The following POLQ variants were observed in gnomAD, a reference collection of about 807,000 sequenced individuals.
The protein encoded by POLQ is DNA polymerase theta.
A neutral mutation model predicts 259.2 loss-of-function variants in POLQ; 233 were observed. That is an observed-to-expected ratio of 0.90 (90% confidence interval 0.81 to 1.00). The LOEUF (loss-of-function observed/expected upper bound fraction) is 1.00, where lower values mean the gene tolerates loss of function less well. POLQ is among the 50% of genes least tolerant of loss of function. The pLI, the probability that POLQ is intolerant of heterozygous loss-of-function variation, is 0.00. For synonymous variants in POLQ, 1,025 were observed against 1,048.8 expected, an observed-to-expected ratio of 0.98 and a Z score of 0.44; for missense variants, 2,871 against 3,051.6, an observed-to-expected ratio of 0.94 and a Z score of 1.39.
chr3:121,436,675 T>C (rs760811878), intron 27 of POLQ, among the ~76,000 whole-genome samples: 1 of 151,722 alleles, frequency 6.6e-6, no homozygotes, highest in Non-Finnish European at 1.5e-5. Flanking sequence ...GGGAGGGGGG[T>C]TGGAATGTCC....
chr3:121,459,555 G>T (rs1442847762), intron 25 of POLQ, among the ~76,000 whole-genome samples: 2 of 151,862 alleles, frequency 1.3e-5, no homozygotes, highest in African/African-American at 4.8e-5. Context: ...CTAAGTTTTT[G>T]TATTTTTAGT....
At position 121,488,139 on chromosome 3, in the gene POLQ, G is replaced by A; in HGVS notation, c.4792C>T (p.Leu1598Phe). Reference protein sequence around the residue: ...PRALELSDPVLDEHHQGDQDG... With the variant: ...PRALELSDPVFDEHHQGDQDG... ...TGATCACCTTGGTGGTGCTCATCAAGTACTGGATCACTTAGTTCTAATGCT... is the reference window on the plus strand; with the variant it reads ...TGATCACCTTGGTGGTGCTCATCAAATACTGGATCACTTAGTTCTAATGCT... Residue 1598 changes from leucine to phenylalanine, a missense_variant, in exon 16 of 30, where the codon CTT (leucine) becomes TTT (phenylalanine). By Grantham distance (22) the Leu-to-Phe change is conservative (BLOSUM62 0). Around this residue, in one of 3 missense-constraint regions of POLQ, gnomAD observed 2,080 missense variants for 2,126.0 expected, o/e 0.98. Coordinates refer to ENST00000264233, the MANE Select transcript of POLQ (RefSeq NM_199420.4). The A allele has an allele frequency of 6.2e-7, 1 of 1,613,216 alleles. No homozygotes were observed. Among genetic ancestry groups the A allele is most frequent in the Non-Finnish European group, 8.5e-7 (1 of 1,179,532 alleles).
chr3:121,479,427 T>C (rs2047953935), intron 19 of POLQ, among the ~76,000 whole-genome samples: 1 of 151,514 alleles, frequency 6.6e-6, no homozygotes, highest in Non-Finnish European at 1.5e-5. Context: ...AAGTAGTGCT[T>C]TGAGGAAAAT....
chr3:121,505,897 C>T (rs2048204749), intron 12 of POLQ, among the ~76,000 whole-genome samples: 1 of 150,732 alleles, frequency 6.6e-6, no homozygotes. Context: ...TGGCGCATGT[C>T]TGTAATCCCA....
intron 16 of POLQ, 127 bp from the exon 17 acceptor site, chr3:121,485,311 T>C (rs2048002827): frequency 1.8e-6 from 1 of 564,390 alleles, no homozygotes; most frequent in Admixed American, 3.6e-5. Context: ...AAATATGCAT[T>C]TGGACAGTCA....
At chr3:121,496,973 C>T (rs778157620) in intron 13 of POLQ, 41 bp from the exon 14 acceptor site, 17 of 1,606,366 alleles carry the variant, frequency 1.1e-5, no homozygotes, top group East Asian at 2.2e-5. Flanking sequence ...AGATCCTTCA[C>T]GTCTACTAGG....
rs561016630 is a variant in POLQ, at chr3:121,533,294, C to T, written c.741-85G>A. On this transcript the variant is annotated intron_variant, in intron 5 of 29. Transcript: ENST00000264233. ...TGCTAACAATATTCTTGGTTATGCC[C>T]TTTGGTACACACATGCATACATTTC... is the stretch of plus-strand genomic sequence containing the variant. The T allele has an allele frequency of 1.8e-4, 153 of 827,886 alleles. No homozygotes were observed. The African/African-American group carries it at 2.5e-3, about 14-fold the overall frequency. 51.3% of individuals were successfully genotyped at this position (827,886 alleles called of 1,614,324 possible). A position where few individuals can be genotyped will look rare whatever the true frequency, so the allele number is the denominator to read the frequency against.
chr3:121,519,174 C>A (rs1386755295), intron 9 of POLQ, among the ~76,000 whole-genome samples: 1 of 151,958 alleles, frequency 6.6e-6, no homozygotes, highest in Non-Finnish European at 1.5e-5. Context: ...GACCAGTCAC[C>A]TAAGTTGAAT....
chr3:121,478,576 TAAAAAAAAAAA>T (rs143898506), intron 19 of POLQ, among the ~76,000 whole-genome samples: 1 of 77,402 alleles, frequency 1.3e-5, no homozygotes, highest in South Asian at 4.8e-4. Context: ...GGCAAATTTG[TAAAAAAAAAAA>T]AAAAAAAAAA....
At chr3:121,473,670 G>T (rs1392618203) in intron 20 of POLQ, among the ~76,000 whole-genome samples, 183 bp from the exon 21 acceptor site, 6 of 150,756 alleles carry the variant, frequency 4.0e-5, no homozygotes, top group Non-Finnish European at 8.8e-5. Flanking sequence ...TATATGTCAG[G>T]TAGTCTATCC....
At chr3:121,538,029 G>T (rs2048462710) in intron 4 of POLQ, among the ~76,000 whole-genome samples, 1 of 152,038 alleles carries the variant, frequency 6.6e-6, no homozygotes. Flanking sequence ...CAAACCCAGG[G>T]AAAACTGCCT....
chr3:121,533,629 C>T (rs548307418), intron 5 of POLQ, among the ~76,000 whole-genome samples: 1 of 152,300 alleles, frequency 6.6e-6, no homozygotes, highest in South Asian at 2.1e-4. Context: ...GATTCTCCTG[C>T]CTTAGCCTCC....
At chr3:121,502,664 A>C (rs578011860) in intron 12 of POLQ, among the ~76,000 whole-genome samples, 65 of 152,212 alleles carry the variant, frequency 4.3e-4, no homozygotes, top group Non-Finnish European at 8.2e-4. Flanking sequence ...AAGAAAAAAA[A>C]CACAATCATA....
intron 19 of POLQ, among the ~76,000 whole-genome samples, chr3:121,479,308 T>A (rs2047952198): frequency 6.6e-6 from 1 of 150,610 alleles, no homozygotes; most frequent in South Asian, 2.1e-4. Context: ...GGGCAAGAGT[T>A]TGAGACCAGC....
chr3:121,492,144 TCTCAGAGCTGGGA>T (rs2048073904), intron 15 of POLQ, among the ~76,000 whole-genome samples: 1 of 151,208 alleles, frequency 6.6e-6, no homozygotes, highest in Non-Finnish European at 1.5e-5. Flanking sequence ...CAGGTTAAGG[TCTCAGAGCTGGGA>T]GTCAGGTTTA....
At chr3:121,510,609 C>T (rs2048248057) in intron 10 of POLQ, among the ~76,000 whole-genome samples, 2 of 151,786 alleles carry the variant, frequency 1.3e-5, no homozygotes, top group Admixed American at 1.3e-4. Context: ...ATAAATAAAA[C>T]ATGCAAGCCC....
At chr3:121,543,660 A>T (rs2048506472) in intron 2 of POLQ, among the ~76,000 whole-genome samples, 1 of 152,210 alleles carries the variant, frequency 6.6e-6, no homozygotes, top group African/African-American at 2.4e-5. Context: ...AGCATGCGTT[A>T]AAAATTGTGT....
chr3:121,488,137 A>C lies in POLQ; in HGVS notation c.4794T>G (p.Leu1598=), dbSNP rs745454674. Residue 1598 remains leucine (L), a synonymous_variant, in exon 16 of 30, where the codon CTT becomes CTG. Coordinates refer to ENST00000264233, the MANE Select transcript of POLQ (RefSeq NM_199420.4). ...CTTGATCACCTTGGTGGTGCTCATC[A>C]AGTACTGGATCACTTAGTTCTAATG... ...PRALELSDPV[L]DEHHQGDQDG... is the part of the protein sequence containing the mutation. The C allele has an allele frequency of 6.2e-7, 1 of 1,613,398 alleles. No homozygotes were observed.
At chr3:121,486,868 G>C (rs1432162305) in intron 16 of POLQ, among the ~76,000 whole-genome samples, 1 of 144,928 alleles carries the variant, frequency 6.9e-6, no homozygotes, top group Non-Finnish European at 1.5e-5. Flanking sequence ...GACAAAGAAA[G>C]AGGAAAGAAA....
Sources: gnomAD v4.1 joint callset for allele counts (sites outside exome capture counted in the v4.1 genomes callset) on GRCh38, gnomAD v4.1.1 for gene constraint, gnomAD v4.1.1 regional missense constraint, MANE v1.5 for transcripts, NCBI Gene and HGNC (gene_info 2026-07-23, HGNC 2026-07-21) for gene names.